Variants in CYP39A1 observed in about 807,000 individuals in gnomAD.
CYP39A1 encodes the protein cytochrome P450 family 39 subfamily A member 1, also known as 24-hydroxycholesterol 7-alpha-hydroxylase.
In CYP39A1, 49 loss-of-function variants were observed where a neutral mutation model predicts 58.1. That is an observed-to-expected ratio of 0.84 (90% CI 0.67 to 1.07). The LOEUF is 1.07. Ranked by LOEUF, CYP39A1 falls within the 50% of genes least tolerant of loss-of-function variation. The pLI is 0.00. For synonymous variants in CYP39A1, 209 were observed against 187.6 expected (o/e 1.11, Z -0.93); for missense variants, 531 against 539.4 (o/e 0.98, Z 0.16).
intron 7 of CYP39A1, 75 bp downstream of exon 7, chr6:46,625,343 G>C: frequency 3.1e-6 from 3 of 982,534 alleles, no homozygotes; most frequent in Non-Finnish European, 3.0e-6. Flanking sequence ...AAAATTATAG[G>C]TATTTAGCTT....
chr6:46,602,403 T>C (rs1773566545), intron 7 of CYP39A1, among the ~76,000 whole-genome samples: 1 of 152,066 alleles, frequency 6.6e-6, no homozygotes, highest in Non-Finnish European at 1.5e-5. Flanking sequence ...AAACACAGAT[T>C]GCAGGGATCC....
intron 7 of CYP39A1, among the ~76,000 whole-genome samples, chr6:46,617,960 T>C (rs1561996024): frequency 6.6e-6 from 1 of 152,200 alleles, no homozygotes; most frequent in Non-Finnish European, 1.5e-5. Context: ...CCAATTCATA[T>C]GAAAGTAATT....
At chr6:46,569,350 T>G (rs1305969536) in intron 10 of CYP39A1, among the ~76,000 whole-genome samples, 1 of 152,114 alleles carries the variant, frequency 6.6e-6, no homozygotes, top group Admixed American at 6.6e-5. Flanking sequence ...CTTTCCAATT[T>G]GGATTTCTTT....
At chr6:46,555,034 C>T (rs1354208877) in intron 10 of CYP39A1, among the ~76,000 whole-genome samples, 1 of 143,328 alleles carries the variant, frequency 7.0e-6, no homozygotes, top group Non-Finnish European at 1.5e-5. Flanking sequence ...CCTCATTACA[C>T]ACACACGCAG....
chr6:46,619,200 A>G (rs1373849030), intron 7 of CYP39A1, among the ~76,000 whole-genome samples: 1 of 152,186 alleles, frequency 6.6e-6, no homozygotes, highest in Non-Finnish European at 1.5e-5. Context: ...TATATAAAAC[A>G]TTCGTTTCAT....
Position 46,615,446 on chromosome 6 carries a change from C to A in CYP39A1, c.931+9972G>T, listed in dbSNP as rs76341901. ...GACTAAGTACAATGATATCTCCCCA[C>A]CTTTCTCATGATACTTCAAACTTGT... On this transcript the variant is annotated intron_variant, in intron 7 of 11. Coordinates refer to ENST00000275016, the MANE Select transcript of CYP39A1 (RefSeq NM_016593.5). 6.4e-3 allele frequency among the ~76,000 whole-genome samples: 974 copies of A among 152,112 alleles called. 10 individuals are homozygous for A. Among genetic ancestry groups the A allele is most frequent in the African/African-American group, 0.022 (902 of 41,502 alleles).
chr6:46,592,190 C>A (rs1250098995), intron 8 of CYP39A1, among the ~76,000 whole-genome samples: 2 of 152,190 alleles, frequency 1.3e-5, no homozygotes, highest in Non-Finnish European at 2.9e-5. Flanking sequence ...GGAAAGGGCA[C>A]AGAGGCAAAA....
chr6:46,636,084 C>T (rs1283154099), intron 5 of CYP39A1, among the ~76,000 whole-genome samples: 1 of 152,188 alleles, frequency 6.6e-6, no homozygotes, highest in Non-Finnish European at 1.5e-5. Context: ...CCTAATTTGC[C>T]ATTAGTTTCA....
chr6:46,568,709 G>T (rs1210600429), intron 10 of CYP39A1, among the ~76,000 whole-genome samples: 1 of 151,888 alleles, frequency 6.6e-6, no homozygotes, highest in Non-Finnish European at 1.5e-5. Flanking sequence ...ATATTCCAGG[G>T]TCTATTTCTG....
At chr6:46,618,049 T>C (rs931545210) in intron 7 of CYP39A1, among the ~76,000 whole-genome samples, 9 of 152,262 alleles carry the variant, frequency 5.9e-5, no homozygotes, top group Admixed American at 2.0e-4. Context: ...GTAGAAAAAC[T>C]CAAAGTTACA....
chr6:46,623,393 C>G (rs1251962632), intron 7 of CYP39A1, among the ~76,000 whole-genome samples: 1 of 151,944 alleles, frequency 6.6e-6, no homozygotes, highest in Admixed American at 6.6e-5. Context: ...TATATGTTAA[C>G]TTGACTGGCC....
At position 46,596,107 on chromosome 6, in the gene CYP39A1, A is replaced by T; in HGVS notation, c.945T>A (p.Ile315=). The part of the protein sequence containing the change: ...SVFGKAGKDK[I]KVSEDDLENL... ...TCTCCAGGTCATCCTCAGACACTTT[A>T]ATCTTATCTTTGCCTGTAAAAAAAT... Residue 315 remains isoleucine, a synonymous_variant, in exon 8 of 12, where the codon ATT becomes ATA. Coordinates refer to ENST00000275016, the MANE Select transcript of CYP39A1 (RefSeq NM_016593.5). 2 of 1,601,408 alleles carry T rather than the reference A, an allele frequency of 1.2e-6. No individual in the cohort carries two copies. Among genetic ancestry groups the T allele is most frequent in the Admixed American group, 3.5e-5 (2 of 57,112 alleles).
In CYP39A1 at chr6:46,568,240, T is replaced by A. The variant is rs1035388717; in HGVS notation, c.1251-14386A>T. Among the ~76,000 whole-genome samples, 4 of 152,154 alleles carry A rather than the reference T, an allele frequency of 2.6e-5. No homozygotes were observed. In the East Asian group the frequency reaches 7.7e-4, roughly 29 times the overall value. ...TGTCTATTTAAGTTCTTTGCTCATT[T>A]CTGAATTGGGTTATTTTGTTGTTGA... is the stretch of plus-strand genomic sequence containing the variant. On this transcript the variant is annotated intron_variant, in intron 10 of 11. Coordinates refer to ENST00000275016, the MANE Select transcript of CYP39A1 (RefSeq NM_016593.5).
At chr6:46,588,215 T>C in intron 8 of CYP39A1, 86 bp from the exon 9 acceptor site, 1 of 662,788 alleles carries the variant, frequency 1.5e-6, no homozygotes, top group Non-Finnish European at 2.5e-6. Flanking sequence ...GCTACAATTA[T>C]ATTGTGGTGA....
intron 10 of CYP39A1, among the ~76,000 whole-genome samples, chr6:46,560,935 G>C (rs954275171): frequency 2.0e-5 from 3 of 152,114 alleles, no homozygotes; most frequent in Non-Finnish European, 4.4e-5. Flanking sequence ...GTGTTTCATG[G>C]AAGGTGTGAG....
intron 10 of CYP39A1, among the ~76,000 whole-genome samples, chr6:46,557,469 C>T (rs1053410523): frequency 2.0e-5 from 3 of 151,780 alleles, no homozygotes; most frequent in East Asian, 3.9e-4. Context: ...AGCCAAACCT[C>T]GTCTCTAATA....
At chr6:46,559,321 C>A (rs1004496930) in intron 10 of CYP39A1, among the ~76,000 whole-genome samples, 23 of 152,088 alleles carry the variant, frequency 1.5e-4, no homozygotes, top group Non-Finnish European at 2.9e-4. Context: ...AAAAGGAGGG[C>A]AGCTGCTCTG....
intron 7 of CYP39A1, among the ~76,000 whole-genome samples, chr6:46,606,747 C>T (rs1220011454): frequency 2.6e-5 from 4 of 152,126 alleles, no homozygotes; most frequent in African/African-American, 7.2e-5. Context: ...AAACATTATA[C>T]ATAGTTTTAG....
intron 10 of CYP39A1, chr6:46,586,268 A>T (rs971931094): frequency 1.0e-6 from 1 of 982,076 alleles, no homozygotes; most frequent in Non-Finnish European, 1.2e-6. Flanking sequence ...AAGAAACTAC[A>T]ATTTTTTAAA....
Sources: gnomAD v4.1 joint callset for allele counts (sites outside exome capture counted in the v4.1 genomes callset) on GRCh38, gnomAD v4.1.1 for gene constraint, MANE v1.5 for transcripts, NCBI Gene and HGNC (gene_info 2026-07-23, HGNC 2026-07-21) for gene names.